GALC: variants seen among roughly 807,000 people sequenced by gnomAD.
The protein encoded by GALC is galactocerebrosidase.
In GALC, 77 loss-of-function variants were observed where a neutral mutation model predicts 91.8. That is an observed-to-expected ratio of 0.84 (90% CI 0.70 to 1.01). The LOEUF is 1.01. Ranked by LOEUF, GALC falls within the 50% of genes least tolerant of loss-of-function variation. The pLI is 0.00. For synonymous variants in GALC, 357 were observed against 306.7 expected, an observed-to-expected ratio of 1.16 and a Z score of -1.71; for missense variants, 882 against 855.9, an observed-to-expected ratio of 1.03 and a Z score of -0.38.
intron 10 of GALC, chr14:87,953,083 C>T: frequency 1.3e-6 from 2 of 1,503,126 alleles, no homozygotes; most frequent in East Asian, 2.3e-5. Flanking sequence ...GAGTGTGTGC[C>T]AACAGAATAT....
At chr14:87,956,593 T>TATACACACAC (rs140349038) in intron 10 of GALC, among the ~76,000 whole-genome samples, 1 of 139,188 alleles carries the variant, frequency 7.2e-6, no homozygotes, top group Non-Finnish European at 1.5e-5. Context: ...ACCATATATA[T>TATACACACAC]ACACACACAC....
rs182946825 is a variant in GALC, at chr14:87,957,233, T to G, written c.1161+6151A>C. On this transcript the variant is annotated intron_variant, in intron 10 of 16. Coordinates refer to ENST00000261304, the MANE Select transcript of GALC (RefSeq NM_000153.4). ...TTGTCTGTTTACTCCAATGATTCTT[T>G]GCTTTGCAGAAGCTTTTTAGTTTAA... 4.9e-4 allele frequency among the ~76,000 whole-genome samples: 74 copies of G among 152,298 alleles called. No individual in the cohort carries two copies. In the East Asian group the frequency reaches 0.01, roughly 21 times the overall value.
rs1433113127 is a variant in GALC, at chr14:87,988,958, T to C, written c.196-435A>G. On this transcript the variant is annotated intron_variant, in intron 1 of 16. Coordinates refer to ENST00000261304, the MANE Select transcript of GALC (RefSeq NM_000153.4). ...GCACTACTTTCCCCATCCTCATAAATTCTACCTGTTACTATTAAGAATAAC... is the reference window on the plus strand; with the variant it reads ...GCACTACTTTCCCCATCCTCATAAACTCTACCTGTTACTATTAAGAATAAC... 2.0e-5 allele frequency among the ~76,000 whole-genome samples: 3 copies of C among 152,306 alleles called. No individual in the cohort carries two copies. The East Asian group carries it at 5.8e-4, about 29-fold the overall frequency.
chr14:87,952,689 A>G, intron 10 of GALC: 1 of 1,507,882 alleles, frequency 6.6e-7, no homozygotes, highest in Non-Finnish European at 9.2e-7. Context: ...CCCAGAATCT[A>G]TTGGTCTCCA....
chr14:87,981,970 T>C (rs1886768947), intron 6 of GALC, among the ~76,000 whole-genome samples: 2 of 152,184 alleles, frequency 1.3e-5, no homozygotes, highest in African/African-American at 4.8e-5. Flanking sequence ...TCAACACAAC[T>C]CTTTAGACAA....
chr14:87,970,323 T>C (rs1886233728), intron 7 of GALC, among the ~76,000 whole-genome samples: 1 of 152,182 alleles, frequency 6.6e-6, no homozygotes, highest in Non-Finnish European at 1.5e-5. Context: ...CAGTAGATGT[T>C]AGGATTATGA....
chr14:87,953,137 C>T (rs1595201704), intron 10 of GALC: 8 of 1,483,868 alleles, frequency 5.4e-6, no homozygotes, highest in South Asian at 3.4e-5. Context: ...TCCTTGAACA[C>T]AGTAGATAAG....
chr14:87,961,464 T>C (rs1229568870), intron 10 of GALC, among the ~76,000 whole-genome samples: 6 of 152,174 alleles, frequency 3.9e-5, no homozygotes, highest in African/African-American at 1.2e-4. Context: ...CCTACATACA[T>C]ACCCAAGAGA....
At chr14:87,963,158 G>C in intron 10 of GALC, 1 of 493,322 alleles carries the variant, frequency 2.0e-6, no homozygotes, top group South Asian at 2.1e-5. Flanking sequence ...CAACTGCCAG[G>C]AACAAAGTGG....
intron 6 of GALC, chr14:87,980,437 G>C (rs558124687): frequency 2.3e-6 from 2 of 867,274 alleles, no homozygotes; most frequent in African/African-American, 1.8e-5. Flanking sequence ...ATGGGGGTCA[G>C]TGCCCCCACT....
At chr14:87,961,607 A>G (rs1169127715) in intron 10 of GALC, among the ~76,000 whole-genome samples, 1 of 152,224 alleles carries the variant, frequency 6.6e-6, no homozygotes, top group African/African-American at 2.4e-5. Context: ...AAAATGTAGA[A>G]GCAGGAAGTT....
At chr14:87,951,673 A>G (rs1885314698) in intron 10 of GALC, among the ~76,000 whole-genome samples, 1 of 151,986 alleles carries the variant, frequency 6.6e-6, no homozygotes, top group South Asian at 2.1e-4. Flanking sequence ...ATCAGAAATG[A>G]ATAACTGAAA....
intron 10 of GALC, chr14:87,953,481 C>T: frequency 1.9e-6 from 3 of 1,587,540 alleles, no homozygotes; most frequent in South Asian, 1.1e-5. Context: ...TAAACTCTGA[C>T]AAAGGTCCTG....
intron 7 of GALC, among the ~76,000 whole-genome samples, chr14:87,971,722 C>T (rs1003568033): frequency 6.6e-6 from 1 of 152,038 alleles, no homozygotes; most frequent in Non-Finnish European, 1.5e-5. Flanking sequence ...ATACTTATTA[C>T]ACACCTAAAC....
intron 13 of GALC, among the ~76,000 whole-genome samples, chr14:87,946,390 A>G (rs781686453): frequency 6.6e-6 from 1 of 152,032 alleles, no homozygotes; most frequent in Non-Finnish European, 1.5e-5. Context: ...GTAGAGGAGA[A>G]ATTTTACATA....
intron 10 of GALC, among the ~76,000 whole-genome samples, chr14:87,952,250 G>C (rs2301121): frequency 0.11 from 17,430 of 151,732 alleles, 1,315 homozygotes; most frequent in African/African-American, 0.21. Context: ...TAAAAAATCA[G>C]GTTAAGAGAA....
chr14:87,950,751 G>GA lies in GALC; in HGVS notation c.1162-4dup, dbSNP rs11300320. On this transcript the variant is annotated splice_polypyrimidine_tract_variant and splice_region_variant and intron_variant, in intron 10 of 16. Coordinates refer to ENST00000261304, the MANE Select transcript of GALC (RefSeq NM_000153.4). Reference sequence around the variant, plus strand: ...ATGCACTTAGAATGTTTATGACTCTGAAAAAAAAAAATCACATACATTATC... The same window carrying GA: ...ATGCACTTAGAATGTTTATGACTCTGAAAAAAAAAAAATCACATACATTATC... 5.8e-5 allele frequency: 75 copies of GA among 1,284,062 alleles called. No individual in the cohort carries two copies. The African/African-American group carries it at 9.2e-4, about 16-fold the overall frequency. The allele number at this position is 1,284,062 out of a possible 1,614,324, so 79.5% of individuals were successfully genotyped here.
rs1210067695 is a variant in GALC, at chr14:87,953,299, G to A, written c.1162-2551C>T. On this transcript the variant is annotated intron_variant, in intron 10 of 16. Coordinates refer to ENST00000261304, the MANE Select transcript of GALC (RefSeq NM_000153.4). The stretch of plus-strand genomic sequence containing the variant: ...GCGGAGTCCTATAAATAAAGGGAAT[G>A]TAAACATGGAGACTGAACCAAAGGC... 2.0e-6 allele frequency: 3 copies of A among 1,482,832 alleles called. No homozygotes were observed. The African/African-American group carries it at 4.2e-5, about 21-fold the overall frequency. 91.9% of individuals were successfully genotyped at this position (1,482,832 alleles called of 1,614,324 possible).
chr14:87,982,263 A>AT lies in GALC; in HGVS notation c.583-21_583-20insA, dbSNP rs1886782553. 1 of 1,543,918 alleles carries AT rather than the reference A, an allele frequency of 6.5e-7. No homozygotes were observed. The highest frequency in any genetic ancestry group is 1.4e-5 in the African/African-American group (1 of 73,530). ...CCAAATCTGCAAAACAAAAAGTCAA[A>AT]AAAGTCTGAATTGAAAGTTACAAAA... is the stretch of plus-strand genomic sequence containing the variant. On this transcript the variant is annotated intron_variant, in intron 5 of 16. Transcript: ENST00000261304.
Sources: allele counts gnomAD v4.1 joint callset (sites outside exome capture counted in the v4.1 genomes callset), GRCh38; gene constraint gnomAD v4.1.1; transcripts MANE v1.5; gene names NCBI Gene and HGNC (gene_info 2026-07-23, HGNC 2026-07-21).